PLEKHG7: variants seen among roughly 807,000 people sequenced by gnomAD.
PLEKHG7 encodes the protein pleckstrin homology and RhoGEF domain containing G7, also known as pleckstrin homology domain-containing family G member 7.
PLEKHG7 carries 77 observed loss-of-function variants against 85.2 expected under a neutral mutation model. The ratio of observed to expected loss-of-function variants is 0.90; its 90% CI spans 0.75 to 1.09. PLEKHG7 has a LOEUF of 1.09. Among genes scored for constraint, PLEKHG7 ranks in the 50% least tolerant of loss-of-function variants. The pLI, the probability that PLEKHG7 is intolerant of heterozygous loss-of-function variation, is 0.00. For synonymous variants in PLEKHG7, 301 were observed against 302.4 expected (o/e 1.00, Z 0.05); for missense variants, 777 against 804.3 (o/e 0.97, Z 0.41).
rs558956484 is a variant in PLEKHG7, at chr12:92,753,778, C to T, written c.1252-312C>T. Among the ~76,000 whole-genome samples the T allele has an allele frequency of 5.3e-5, 8 of 152,292 alleles. No individual in the cohort carries two copies. In the East Asian group the frequency reaches 9.6e-4, roughly 18 times the overall value. ...TAACTGCATCACAACAAGGATGGGACCAAAGCTGATGAAACCAGAACTCTC... is the reference window on the plus strand; with the variant it reads ...TAACTGCATCACAACAAGGATGGGATCAAAGCTGATGAAACCAGAACTCTC... On this transcript the variant is annotated intron_variant, in intron 10 of 16. Transcript: ENST00000344636.
chr12:92,713,274 C>T (rs139327296), intron 3 of PLEKHG7, among the ~76,000 whole-genome samples: 8,771 of 152,254 alleles, frequency 0.058, 840 homozygotes, highest in African/African-American at 0.2. Flanking sequence ...TCTGTTTTTA[C>T]AATTCAAATT....
chr12:92,712,421 T>G (rs1179855950), intron 3 of PLEKHG7, among the ~76,000 whole-genome samples: 1 of 152,178 alleles, frequency 6.6e-6, no homozygotes, highest in Non-Finnish European at 1.5e-5. Flanking sequence ...ATGTGTTCAT[T>G]GGCTCAAGCA....
At chr12:92,751,773 A>G (rs573627284) in intron 10 of PLEKHG7, among the ~76,000 whole-genome samples, 1 of 152,200 alleles carries the variant, frequency 6.6e-6, no homozygotes, top group Admixed American at 6.5e-5. Flanking sequence ...CTGTAATCCC[A>G]GCACTTTGGG....
intron 3 of PLEKHG7, among the ~76,000 whole-genome samples, chr12:92,726,800 G>A (rs1209570622): frequency 6.6e-6 from 1 of 152,162 alleles, no homozygotes; most frequent in Non-Finnish European, 1.5e-5. Context: ...GAAAGGAGAA[G>A]GTAGATAGTC....
chr12:92,756,363 T>C lies in PLEKHG7; in HGVS notation c.1608T>C (p.Leu536=), dbSNP rs1017197103. ...TCTTGTCACCAACCAGCAGACACCT[T>C]CTCTATGAAGGAAAATTAACTCTTG... ...ENILSPTSRH[L]LYEGKLTLAE... is the part of the protein sequence containing the mutation. The change falls in exon 13 of 17, where the codon CTT becomes CTC. Residue 536 remains leucine, a synonymous_variant. Coordinates refer to ENST00000344636, the MANE Select transcript of PLEKHG7 (RefSeq NM_001377329.1). 6.2e-7 allele frequency: 1 copy of C among 1,612,926 alleles called. No homozygotes were observed. The highest frequency in any genetic ancestry group is 1.3e-5 in the African/African-American group (1 of 75,032).
At chr12:92,761,026 G>C (rs985345024) in intron 13 of PLEKHG7, among the ~76,000 whole-genome samples, 2 of 152,116 alleles carry the variant, frequency 1.3e-5, no homozygotes, top group South Asian at 4.1e-4. Flanking sequence ...GACAAGGAGT[G>C]GGGGATAGGG....
chr12:92,730,732 T>A (rs1871966382), intron 4 of PLEKHG7, among the ~76,000 whole-genome samples: 2 of 152,392 alleles, frequency 1.3e-5, no homozygotes, highest in South Asian at 4.1e-4. Context: ...CAGTCTTTTT[T>A]AACAAGTTCT....
chr12:92,714,440 C>T (rs1006138276), intron 3 of PLEKHG7, among the ~76,000 whole-genome samples: 1 of 152,194 alleles, frequency 6.6e-6, no homozygotes, highest in Non-Finnish European at 1.5e-5. Context: ...AATGCCCTCA[C>T]TTTAACAGTA....
intron 10 of PLEKHG7, among the ~76,000 whole-genome samples, chr12:92,751,042 A>T (rs950867000): frequency 8.5e-5 from 13 of 152,230 alleles, no homozygotes; most frequent in Non-Finnish European, 7.3e-5. Flanking sequence ...GCTTAGCCTC[A>T]TGTGGTATGA....
intron 7 of PLEKHG7, among the ~76,000 whole-genome samples, chr12:92,738,395 C>A (rs576391282): frequency 5.9e-5 from 9 of 152,346 alleles, no homozygotes; most frequent in African/African-American, 2.2e-4. Flanking sequence ...CCAAAAGGCA[C>A]TGTGCTGGCA....
At chr12:92,739,327 CT>C (rs1422341957) in intron 7 of PLEKHG7, among the ~76,000 whole-genome samples, 1 of 152,232 alleles carries the variant, frequency 6.6e-6, no homozygotes, top group Non-Finnish European at 1.5e-5. Flanking sequence ...AGGCCCACCC[CT>C]GGGAATGAGA....
chr12:92,713,545 T>C (rs776134299), intron 3 of PLEKHG7, among the ~76,000 whole-genome samples: 59 of 152,304 alleles, frequency 3.9e-4, no homozygotes, highest in Non-Finnish European at 7.9e-4. Flanking sequence ...ATTTAAATTT[T>C]GTAGTTGAGT....
intron 15 of PLEKHG7, among the ~76,000 whole-genome samples, chr12:92,765,418 T>G (rs1230944863): frequency 6.6e-6 from 1 of 150,666 alleles, no homozygotes; most frequent in Non-Finnish European, 1.5e-5. Flanking sequence ...TCACCTGAGG[T>G]CGGGAGCTCG....
intron 10 of PLEKHG7, among the ~76,000 whole-genome samples, chr12:92,751,626 G>A (rs746307473): frequency 2.6e-5 from 4 of 151,386 alleles, no homozygotes; most frequent in African/African-American, 4.8e-5. Context: ...CTCCCACCTC[G>A]GCCTCCCAAA....
chr12:92,707,151 T>G lies in PLEKHG7; in HGVS notation c.507+13T>G. On this transcript the variant is annotated intron_variant, in intron 2 of 16. Coordinates refer to ENST00000344636, the MANE Select transcript of PLEKHG7 (RefSeq NM_001377329.1). Reference sequence around the variant, plus strand: ...CCCTAGTCCTCAGGTAACACAGCTCTAAGCCTCCGGCCTCTCAGTTGCTGA... The same window carrying G: ...CCCTAGTCCTCAGGTAACACAGCTCGAAGCCTCCGGCCTCTCAGTTGCTGA... The G allele has an allele frequency of 6.2e-7, 1 of 1,602,206 alleles. No individual in the cohort carries two copies. The highest frequency in any genetic ancestry group is 8.5e-7 in the Non-Finnish European group (1 of 1,174,050).
In PLEKHG7 at chr12:92,770,215, T is replaced by G. The variant is rs543624323; in HGVS notation, c.*20T>G. The G allele has an allele frequency of 8.7e-6, 13 of 1,497,570 alleles. No homozygotes were observed. The South Asian group carries it at 1.3e-4, about 15-fold the overall frequency. 92.8% of individuals were successfully genotyped at this position (1,497,570 alleles called of 1,614,324 possible). The stretch of plus-strand genomic sequence containing the variant: ...ATTTAGGGACCTAAAACAAGTGGCA[T>G]GTCTTTTTAGAAGATTATGGTTTAA... On this transcript the variant is annotated 3_prime_UTR_variant, in exon 17 of 17. Transcript: ENST00000344636.
Position 92,754,049 on chromosome 12 carries a change from A to G in PLEKHG7, c.1252-41A>G, listed in dbSNP as rs1872758352. 4 of 1,594,018 alleles carry G rather than the reference A, an allele frequency of 2.5e-6. No homozygotes were observed. In the East Asian group the frequency reaches 9.0e-5, roughly 36 times the overall value. ...CCAGGCTTCTTAGTGGCTCAGTGGG[A>G]GAGGTGATCATTCTGATATGGCTGC... On this transcript the variant is annotated intron_variant, in intron 10 of 16. Transcript: ENST00000344636.
rs1328901748 is a variant in PLEKHG7 at position 92,732,291 on chromosome 12, C to T, written c.699+18C>T. Reference sequence around the variant, plus strand: ...GAGGAGTGGTAAGTGTTGCAAATTGCCATTTTTGTTTTAATTAAGCTTCCT... The same window carrying T: ...GAGGAGTGGTAAGTGTTGCAAATTGTCATTTTTGTTTTAATTAAGCTTCCT... On this transcript the variant is annotated intron_variant, in intron 5 of 16. Transcript: ENST00000344636. 3 of 1,228,936 alleles carry T rather than the reference C, an allele frequency of 2.4e-6. No individual in the cohort carries two copies. Among genetic ancestry groups the T allele is most frequent in the East Asian group, 3.2e-5 (1 of 31,694 alleles). 76.1% of individuals were successfully genotyped at this position (1,228,936 alleles called of 1,614,324 possible).
chr12:92,741,629 A>G (rs2136605706), intron 9 of PLEKHG7, 37 bp downstream of exon 9: 1 of 1,503,596 alleles, frequency 6.7e-7, no homozygotes, highest in Non-Finnish European at 9.2e-7. Context: ...TTCATGTAGT[A>G]AAATCACCCA....
Sources: gnomAD v4.1 joint callset for allele counts (sites outside exome capture counted in the v4.1 genomes callset) on GRCh38, gnomAD v4.1.1 for gene constraint, MANE v1.5 for transcripts, NCBI Gene and HGNC (gene_info 2026-07-23, HGNC 2026-07-21) for gene names.